Variants in SMAP1 observed in about 807,000 individuals in gnomAD.
The protein encoded by SMAP1 is stromal membrane-associated protein 1.
In SMAP1, 24 loss-of-function variants were observed where a neutral mutation model predicts 58.5. The observed-to-expected ratio is 0.41, with a 90% CI of 0.30 to 0.58. SMAP1 has a LOEUF of 0.58. SMAP1 is among the 20% of genes least tolerant of loss of function. The probability of loss-of-function intolerance (pLI) is 0.29; values close to 1 mark genes in which losing one functional copy is unlikely to be tolerated. For missense variants in SMAP1, 563 were observed against 566.3 expected, an observed-to-expected ratio of 0.99 and a Z score of 0.06; for synonymous variants, 216 against 196.6, an observed-to-expected ratio of 1.10 and a Z score of -0.82.
At chr6:70,836,053 G>T (rs745825812) in intron 6 of SMAP1, among the ~76,000 whole-genome samples, 1 of 152,160 alleles carries the variant, frequency 6.6e-6, no homozygotes, top group East Asian at 1.9e-4. Context: ...TGTGTCTCAT[G>T]TATCATACAG....
intron 6 of SMAP1, among the ~76,000 whole-genome samples, chr6:70,822,704 G>A (rs73747048): frequency 0.016 from 2,366 of 152,084 alleles, 52 homozygotes; most frequent in African/African-American, 0.052. Flanking sequence ...TTAATTTTGG[G>A]GAAATTCTGT....
At chr6:70,690,377 G>C (rs1338057925) in intron 1 of SMAP1, among the ~76,000 whole-genome samples, 1 of 152,000 alleles carries the variant, frequency 6.6e-6, no homozygotes, top group African/African-American at 2.4e-5. Context: ...TGCGATCTCG[G>C]CTCACTGCAA....
intron 3 of SMAP1, among the ~76,000 whole-genome samples, chr6:70,764,982 TG>T (rs1766906118): frequency 6.6e-6 from 1 of 152,066 alleles, no homozygotes; most frequent in East Asian, 1.9e-4. Context: ...TGTATTTTTT[TG>T]TAGAGATGGA....
At chr6:70,756,066 T>G (rs980095150) in intron 3 of SMAP1, among the ~76,000 whole-genome samples, 8 of 152,050 alleles carry the variant, frequency 5.3e-5, no homozygotes, top group Non-Finnish European at 1.2e-4. Flanking sequence ...TTTTTTATGT[T>G]TTCTAAATAT....
At chr6:70,800,133 T>C (rs1768781573) in intron 6 of SMAP1, among the ~76,000 whole-genome samples, 1 of 152,104 alleles carries the variant, frequency 6.6e-6, no homozygotes, top group African/African-American at 2.4e-5. Context: ...AGTGAAACTT[T>C]AAATGGGGTG....
At chr6:70,708,687 G>C (rs1313957519) in intron 1 of SMAP1, among the ~76,000 whole-genome samples, 1 of 152,026 alleles carries the variant, frequency 6.6e-6, no homozygotes, top group Non-Finnish European at 1.5e-5. Flanking sequence ...TTACACAGTG[G>C]TTTCGATTTG....
At chr6:70,751,673 A>C (rs1766284754) in intron 2 of SMAP1, among the ~76,000 whole-genome samples, 1 of 152,166 alleles carries the variant, frequency 6.6e-6, no homozygotes, top group Non-Finnish European at 1.5e-5. Context: ...TTAGTGATTT[A>C]TTTGATAGCC....
At chr6:70,739,176 G>A (rs112416725) in intron 2 of SMAP1, among the ~76,000 whole-genome samples, 3,673 of 152,094 alleles carry the variant, frequency 0.024, 39 homozygotes, top group Non-Finnish European at 0.038. Flanking sequence ...CTTCCTCCTG[G>A]GTGCTGTCTT....
In SMAP1 at chr6:70,682,487, C is replaced by T. The variant is rs533791190; in HGVS notation, c.118+14346C>T. On this transcript the variant is annotated intron_variant, in intron 1 of 10. Coordinates refer to ENST00000370455, the MANE Select transcript of SMAP1 (RefSeq NM_001044305.3). ...TACAGGTGTGAGCCACCACGCCCGG[C>T]CCTCTGCACAGAATATTGGCTAATA... Among the ~76,000 whole-genome samples the T allele has an allele frequency of 1.1e-4, 16 of 152,136 alleles. No homozygotes were observed. The East Asian group carries it at 3.1e-3, about 29-fold the overall frequency.
At chr6:70,827,122 G>A (rs1429206190) in intron 6 of SMAP1, among the ~76,000 whole-genome samples, 2 of 152,068 alleles carry the variant, frequency 1.3e-5, no homozygotes, top group African/African-American at 4.8e-5. Flanking sequence ...CCAATTAATA[G>A]AATTGATGTC....
At chr6:70,787,552 TGACAAA>T (rs1393115186) in intron 4 of SMAP1, among the ~76,000 whole-genome samples, 2 of 152,204 alleles carry the variant, frequency 1.3e-5, no homozygotes, top group Non-Finnish European at 2.9e-5. Context: ...TCTACTCATC[TGACAAA>T]GGGCTAATAT....
chr6:70,676,833 G>A (rs1317351954), intron 1 of SMAP1, among the ~76,000 whole-genome samples: 3 of 151,896 alleles, frequency 2.0e-5, no homozygotes, highest in Admixed American at 6.6e-5. Flanking sequence ...CCCAGGCTGG[G>A]GTGCAGTGGC....
At chr6:70,703,879 C>T (rs549442753) in intron 1 of SMAP1, among the ~76,000 whole-genome samples, 10 of 152,322 alleles carry the variant, frequency 6.6e-5, no homozygotes, top group African/African-American at 2.4e-4. Context: ...CTTCCCTTTG[C>T]CATGGCCTAG....
At chr6:70,675,083 T>C (rs1766421088) in intron 1 of SMAP1, among the ~76,000 whole-genome samples, 1 of 151,792 alleles carries the variant, frequency 6.6e-6, no homozygotes, top group Non-Finnish European at 1.5e-5. Context: ...TATGTTTACA[T>C]TGGTAGATTC....
chr6:70,861,389 A>G lies in SMAP1; in HGVS notation c.*1055A>G. 1 of 389,350 alleles carries G rather than the reference A, an allele frequency of 2.6e-6. No individual in the cohort carries two copies. The highest frequency in any genetic ancestry group is 4.7e-6 in the Non-Finnish European group (1 of 214,078). The allele number at this position is 389,350 out of a possible 1,614,324, so 24.1% of individuals were successfully genotyped here. A position where few individuals can be genotyped will look rare whatever the true frequency, so the allele number is the denominator to read the frequency against. Reference sequence around the variant, plus strand: ...TATATACTCAAGAGTGGTATCTTGCAGTATCGGCACTGTACAAAAAAATCT... The same window carrying G: ...TATATACTCAAGAGTGGTATCTTGCGGTATCGGCACTGTACAAAAAAATCT... On this transcript the variant is annotated 3_prime_UTR_variant, in exon 11 of 11. Coordinates refer to ENST00000370455, the MANE Select transcript of SMAP1 (RefSeq NM_001044305.3).
At chr6:70,847,932 T>C (rs907418115) in intron 7 of SMAP1, among the ~76,000 whole-genome samples, 1 of 152,162 alleles carries the variant, frequency 6.6e-6, no homozygotes. Context: ...TGTGTGTGCA[T>C]GCACCAACAA....
chr6:70,730,424 A>G (rs560153778), intron 1 of SMAP1, among the ~76,000 whole-genome samples: 28 of 152,322 alleles, frequency 1.8e-4, no homozygotes, highest in African/African-American at 5.5e-4. Context: ...CCCTCCAGCT[A>G]TTGCTCTGTA....
At chr6:70,672,329 T>C (rs1157330093) in intron 1 of SMAP1, among the ~76,000 whole-genome samples, 2 of 152,214 alleles carry the variant, frequency 1.3e-5, no homozygotes, top group Non-Finnish European at 2.9e-5. Context: ...TTCAAGACCT[T>C]TGCACGTGCT....
At chr6:70,722,773 G>A (rs532841983) in intron 1 of SMAP1, among the ~76,000 whole-genome samples, 5 of 152,354 alleles carry the variant, frequency 3.3e-5, no homozygotes, top group South Asian at 2.1e-4. Flanking sequence ...GGCACAGATC[G>A]CTCATGCTAT....
Sources: allele counts gnomAD v4.1 joint callset (sites outside exome capture counted in the v4.1 genomes callset), GRCh38; gene constraint gnomAD v4.1.1; transcripts MANE v1.5; gene names NCBI Gene and HGNC (gene_info 2026-07-23, HGNC 2026-07-21).